KCNK9: variants seen among roughly 807,000 people sequenced by gnomAD.
The protein encoded by KCNK9 is potassium channel subfamily K member 9.
A neutral mutation model predicts 10.8 loss-of-function variants in KCNK9; 1 was observed. The ratio of observed to expected loss-of-function variants is 0.09; its 90% confidence interval spans 0.03 to 0.44. KCNK9 has a LOEUF of 0.44. Ranked by LOEUF, KCNK9 falls within the 20% of genes least tolerant of loss-of-function variation. The pLI is 0.97. For missense variants in KCNK9, 303 were observed against 515.0 expected (o/e 0.59, Z 3.98); for synonymous variants, 231 against 222.7 (o/e 1.04, Z -0.33).
In KCNK9 at chr8:139,703,061, G is replaced by C; in HGVS notation, c.-69C>G. On this transcript the variant is annotated 5_prime_UTR_variant, in exon 1 of 2. Transcript: ENST00000520439. The surrounding 1 kb of genome is among the most constrained non-coding windows in gnomAD (Gnocchi z 6.4). ...TCACAGCCGCGCGCGTCCCACTGCA[G>C]CGCCCGGCGGCCGCCGCCGCCTCCT... is the stretch of plus-strand genomic sequence containing the variant. 1.5e-6 allele frequency: 2 copies of C among 1,308,414 alleles called. No homozygotes were observed. Among genetic ancestry groups the C allele is most frequent in the Non-Finnish European group, 1.9e-6 (2 of 1,031,288 alleles). 81.1% of individuals were successfully genotyped at this position (1,308,414 alleles called of 1,614,324 possible). A position where few individuals can be genotyped will look rare whatever the true frequency, so the allele number is the denominator to read the frequency against.
intron 1 of KCNK9, among the ~76,000 whole-genome samples, chr8:139,690,768 C>A (rs1816919495): frequency 6.6e-6 from 1 of 152,212 alleles, no homozygotes; most frequent in African/African-American, 2.4e-5. Context: ...CTAAGCTCCA[C>A]TTCATGACCT....
intron 1 of KCNK9, among the ~76,000 whole-genome samples, chr8:139,655,624 T>A (rs929819235): frequency 2.0e-5 from 3 of 152,190 alleles, no homozygotes; most frequent in African/African-American, 7.2e-5. Context: ...TCCCTATTTC[T>A]CAGCTGAGTA....
chr8:139,609,106 A>ATCCCG (rs1814331032), downstream of KCNK9, among the ~76,000 whole-genome samples: 3 of 123,852 alleles, frequency 2.4e-5, no homozygotes, highest in African/African-American at 6.4e-5. Flanking sequence ...GACCCATCCC[A>ATCCCG]CCCCACCCCG....
chr8:139,666,439 G>A (rs76680919), intron 1 of KCNK9, among the ~76,000 whole-genome samples: 5,782 of 152,298 alleles, frequency 0.038, 223 homozygotes, highest in African/African-American at 0.098. Context: ...TGAGTCGGCC[G>A]TCCGGTGGCA....
At chr8:139,694,957 A>C (rs1033304879) in intron 1 of KCNK9, among the ~76,000 whole-genome samples, 1 of 152,212 alleles carries the variant, frequency 6.6e-6, no homozygotes, top group Non-Finnish European at 1.5e-5. Context: ...AGGGACTTTC[A>C]GGCCCAGTGG....
At chr8:139,649,311 C>T (rs115552787) in intron 1 of KCNK9, among the ~76,000 whole-genome samples, 14 of 152,302 alleles carry the variant, frequency 9.2e-5, no homozygotes, top group African/African-American at 2.9e-4. Flanking sequence ...ATTATGTAAG[C>T]CCTGAAGCCT....
At chr8:139,680,748 T>A (rs1446827600) in intron 1 of KCNK9, among the ~76,000 whole-genome samples, 2 of 152,098 alleles carry the variant, frequency 1.3e-5, no homozygotes, top group Non-Finnish European at 2.9e-5. Flanking sequence ...GGTGCTTAGC[T>A]TCTCTGGGGC....
intron 1 of KCNK9, among the ~76,000 whole-genome samples, chr8:139,629,114 C>T (rs571383643): frequency 4.6e-5 from 7 of 152,356 alleles, no homozygotes; most frequent in South Asian, 2.1e-4. Context: ...TTAAATGAAG[C>T]GTCTTCATCC....
At position 139,693,347 on chromosome 8, in the gene KCNK9, C is replaced by G. The variant is rs944182282; in HGVS notation, c.283+9363G>C. ...AGCTCCCCACTCAGCAGGACAGATC[C>G]CTAACCTGTTGTCTTCCATTAAAAG... On this transcript the variant is annotated intron_variant, in intron 1 of 1. Coordinates refer to ENST00000520439, the MANE Select transcript of KCNK9 (RefSeq NM_001282534.2). This position sits in a 1 kb window ranked among gnomAD's most constrained non-coding sequence, Gnocchi z 4.1. Among the ~76,000 whole-genome samples, 1 of 152,114 alleles carries G rather than the reference C, an allele frequency of 6.6e-6. No individual in the cohort carries two copies. The highest frequency in any genetic ancestry group is 1.5e-5 in the Non-Finnish European group (1 of 68,038).
chr8:139,674,334 C>G (rs539222043), intron 1 of KCNK9, among the ~76,000 whole-genome samples: 4 of 152,242 alleles, frequency 2.6e-5, no homozygotes, highest in Non-Finnish European at 4.4e-5. Flanking sequence ...TCCCCAGAAC[C>G]GGGCCCTGCC....
chr8:139,635,306 C>A (rs1393948645), intron 1 of KCNK9, among the ~76,000 whole-genome samples: 1 of 152,238 alleles, frequency 6.6e-6, no homozygotes, highest in African/African-American at 2.4e-5. Flanking sequence ...CGAGTGTCTG[C>A]GTTGCTAGGG....
chr8:139,618,874 G>C lies in KCNK9; in HGVS notation c.509C>G (p.Thr170Arg). 6.2e-7 allele frequency: 1 copy of C among 1,614,188 alleles called. No homozygotes were observed. The highest frequency in any genetic ancestry group is 8.5e-7 in the Non-Finnish European group (1 of 1,180,046). ...VTVGFFSCMG[T>R]LCIGAAAFSQ... ...GAAGGCGGCCGCCCCGATGCACAGCGTCCCCATGCAGGAGAAGAAGCCCAC... is the reference window on the plus strand; with the variant it reads ...GAAGGCGGCCGCCCCGATGCACAGCCTCCCCATGCAGGAGAAGAAGCCCAC... The change falls in exon 2 of 2, where the codon ACG becomes AGG. Residue 170 changes from threonine (T) to arginine (R), a missense_variant. Thr to Arg is a moderately conservative substitution (Grantham distance 71, BLOSUM62 -1). Transcript: ENST00000520439. The surrounding 1 kb of genome is among the most constrained non-coding windows in gnomAD (Gnocchi z 7.9).
At chr8:139,671,219 G>A (rs555988877) in intron 1 of KCNK9, among the ~76,000 whole-genome samples, 118 of 152,368 alleles carry the variant, frequency 7.7e-4, no homozygotes, top group African/African-American at 2.7e-3. Context: ...AGCCTGAAGG[G>A]CAGAGGGCTT....
intron 1 of KCNK9, among the ~76,000 whole-genome samples, chr8:139,637,719 T>C (rs1815380022): frequency 6.8e-6 from 1 of 146,044 alleles, no homozygotes. Flanking sequence ...TATTGAATAC[T>C]TAAAGTTTGC....
At chr8:139,638,639 C>A (rs1481448943) in intron 1 of KCNK9, among the ~76,000 whole-genome samples, 2 of 152,210 alleles carry the variant, frequency 1.3e-5, no homozygotes, top group Non-Finnish European at 2.9e-5. Context: ...GCTGCTTTGT[C>A]TGGGGATAGT....
At chr8:139,601,166 T>A (rs932692606) in exon 3 of KCNK9, 1 of 152,210 alleles carries the variant, frequency 6.6e-6, no homozygotes, top group Non-Finnish European at 1.5e-5. Context: ...ATGAACGCGA[T>A]TCTTGGTTGG....
At chr8:139,644,577 C>T (rs570325905) in intron 1 of KCNK9, among the ~76,000 whole-genome samples, 23 of 152,286 alleles carry the variant, frequency 1.5e-4, no homozygotes, top group Admixed American at 1.2e-3. Flanking sequence ...GTCACTTCTT[C>T]CAATTCAGAG....
chr8:139,671,329 T>C (rs2129734142), intron 1 of KCNK9, among the ~76,000 whole-genome samples: 1 of 152,246 alleles, frequency 6.6e-6, no homozygotes, highest in African/African-American at 2.4e-5. Context: ...CTTGGGCCAA[T>C]ATCCTCACTT....
intron 1 of KCNK9, among the ~76,000 whole-genome samples, chr8:139,660,882 C>A (rs374062919): frequency 2.0e-5 from 3 of 152,170 alleles, no homozygotes; most frequent in Non-Finnish European, 4.4e-5. Flanking sequence ...TGGTAGAGGA[C>A]CCAGTTGCTT....
Sources: gnomAD v4.1 joint callset for allele counts (sites outside exome capture counted in the v4.1 genomes callset) on GRCh38, gnomAD v4.1.1 for gene constraint, Gnocchi (gnomAD v3.1) non-coding constraint, MANE v1.5 for transcripts, NCBI Gene and HGNC (gene_info 2026-07-23, HGNC 2026-07-21) for gene names.